FREM2: variants seen among roughly 807,000 people sequenced by gnomAD.
FREM2 encodes the protein FRAS1 related extracellular matrix 2.
Under a neutral mutation model 219.9 loss-of-function variants are expected in FREM2, and 119 were observed. The ratio of observed to expected loss-of-function variants is 0.54; its 90% CI spans 0.47 to 0.63. The LOEUF (loss-of-function observed/expected upper bound fraction) is 0.63, where lower values mean the gene tolerates loss of function less well. Among genes scored for constraint, FREM2 ranks in the 30% least tolerant of loss-of-function variants. FREM2 has a pLI of 0.00. For missense variants in FREM2, 4,030 were observed against 3,993.6 expected, an observed-to-expected ratio of 1.01 and a Z score of -0.25; for synonymous variants, 1,562 against 1,522.8, an observed-to-expected ratio of 1.03 and a Z score of -0.60.
At chr13:38,815,771 T>G (rs1875741219) in intron 6 of FREM2, among the ~76,000 whole-genome samples, 2 of 152,116 alleles carry the variant, frequency 1.3e-5, no homozygotes, top group Non-Finnish European at 2.9e-5. Context: ...GATCCCATAG[T>G]GAGAGATCCC....
At chr13:38,802,060 A>G (rs1875033507) in intron 6 of FREM2, among the ~76,000 whole-genome samples, 1 of 152,166 alleles carries the variant, frequency 6.6e-6, no homozygotes, top group South Asian at 2.1e-4. Flanking sequence ...GATGATTTCC[A>G]GACCCCTGGA....
intron 6 of FREM2, among the ~76,000 whole-genome samples, chr13:38,834,029 T>A (rs9594299): frequency 0.21 from 31,416 of 152,092 alleles, 3,975 homozygotes; most frequent in African/African-American, 0.34. Flanking sequence ...CCCCTTTTTT[T>A]AAATTATACT....
rs748783790 is a variant in FREM2 at position 38,688,155 on chromosome 13, G to T, written c.811G>T (p.Ala271Ser). The T allele has an allele frequency of 6.2e-7, 1 of 1,613,472 alleles. No individual in the cohort carries two copies. The highest frequency in any genetic ancestry group is 1.1e-5 in the South Asian group (1 of 91,080). ...ELGVRYRHTAASRSPNRDWIP... is the reference protein window; with the variant it reads ...ELGVRYRHTASSRSPNRDWIP... ...AGGCGTGCGCTATCGCCACACAGCC[G>T]CCAGTCGCTCACCAAACAGGGACTG... The change falls in exon 1 of 24, where the codon GCC becomes TCC. Residue 271 changes from alanine to serine, a missense_variant. Ala to Ser is a moderately conservative substitution (Grantham distance 99). Transcript: ENST00000280481.
chr13:38,878,762 G>A, intron 22 of FREM2, 69 bp from the exon 23 acceptor site: 1 of 1,441,016 alleles, frequency 6.9e-7, no homozygotes, highest in South Asian at 1.1e-5. Context: ...AACAAATAGA[G>A]AAACATGCTG....
intron 6 of FREM2, among the ~76,000 whole-genome samples, chr13:38,785,025 G>C (rs1245018478): frequency 1.3e-5 from 2 of 152,204 alleles, no homozygotes; most frequent in African/African-American, 4.8e-5. Flanking sequence ...AATTATGTGA[G>C]TTTTTTCCGC....
intron 5 of FREM2, 132 bp from the exon 6 acceptor site, chr13:38,784,425 G>A: frequency 1.1e-6 from 1 of 876,552 alleles, no homozygotes; most frequent in Non-Finnish European, 1.8e-6. Context: ...GTACGTAGTT[G>A]CTATTGCAGT....
At chr13:38,833,681 C>A (rs1647216183) in intron 6 of FREM2, among the ~76,000 whole-genome samples, 1 of 151,978 alleles carries the variant, frequency 6.6e-6, no homozygotes, top group African/African-American at 2.4e-5. Flanking sequence ...CATTTTGAGT[C>A]CTTTGGATTT....
chr13:38,809,608 C>T lies in FREM2; in HGVS notation c.6019+24800C>T, dbSNP rs534226062. 9.2e-5 allele frequency among the ~76,000 whole-genome samples: 14 copies of T among 152,124 alleles called. No individual in the cohort carries two copies. The South Asian group carries it at 1.0e-3, about 11-fold the overall frequency. ...TTTTTCCCAAAGTATGTTCTCAGCA[C>T]CTTTGTCAGAAAATGAGTTTACTGT... On this transcript the variant is annotated intron_variant, in intron 6 of 23. Coordinates refer to ENST00000280481, the MANE Select transcript of FREM2 (RefSeq NM_207361.6).
intron 2 of FREM2, among the ~76,000 whole-genome samples, chr13:38,715,877 G>A (rs1870977724): frequency 6.6e-6 from 1 of 151,822 alleles, no homozygotes; most frequent in African/African-American, 2.4e-5. Context: ...TTTAACCTTA[G>A]TCTAAGCTTA....
chr13:38,769,558 G>T lies in FREM2; in HGVS notation c.5411-20G>T, dbSNP rs1315243936. 1 of 1,575,960 alleles carries T rather than the reference G, an allele frequency of 6.3e-7. No homozygotes were observed. Among genetic ancestry groups the T allele is most frequent in the Non-Finnish European group, 8.7e-7 (1 of 1,146,318 alleles). On this transcript the variant is annotated intron_variant, in intron 3 of 23. Coordinates refer to ENST00000280481, the MANE Select transcript of FREM2 (RefSeq NM_207361.6). ...CAAGCGAAAATGAAACTAAGAAAATGATATTATGTTTTTGTGAAGGTATTG... is the reference window on the plus strand; with the variant it reads ...CAAGCGAAAATGAAACTAAGAAAATTATATTATGTTTTTGTGAAGGTATTG...
chr13:38,769,434 C>G, intron 3 of FREM2, 144 bp from the exon 4 acceptor site: 1 of 724,822 alleles, frequency 1.4e-6, no homozygotes, highest in Non-Finnish European at 2.5e-6. Flanking sequence ...TCATCAGACC[C>G]ATTCCCAATT....
chr13:38,859,167 A>AT, intron 13 of FREM2, 120 bp from the exon 14 acceptor site: 1 of 946,792 alleles, frequency 1.1e-6, no homozygotes, highest in South Asian at 1.3e-5. Flanking sequence ...CGGAAGCTGT[A>AT]TAAACAGCAT....
intron 7 of FREM2, among the ~76,000 whole-genome samples, chr13:38,847,069 A>G (rs145544182): frequency 2.6e-5 from 4 of 152,154 alleles, no homozygotes; most frequent in African/African-American, 9.7e-5. Context: ...CACATAATCT[A>G]TCCCCACAGA....
rs1467092237 is a variant in FREM2, at chr13:38,689,997, C to T, written c.2653C>T (p.His885Tyr). The change falls in exon 1 of 24, where the codon CAT becomes TAT. Residue 885 changes from histidine to tyrosine, a missense_variant. Around this residue, in one of 2 missense-constraint regions of FREM2, gnomAD observed 3,102 missense variants for 2,950.7 expected, o/e 1.05. Coordinates refer to ENST00000280481, the MANE Select transcript of FREM2 (RefSeq NM_207361.6). ...CATGAGAGTGTCTGGACAGATCCTGCATGTAGGGGGTCTCTTCCACTTGGA... is the reference window on the plus strand; with the variant it reads ...CATGAGAGTGTCTGGACAGATCCTGTATGTAGGGGGTCTCTTCCACTTGGA... Reference protein sequence around the residue: ...GHMRVSGQILHVGGLFHLEDI... With the variant: ...GHMRVSGQILYVGGLFHLEDI... 1 of 1,613,920 alleles carries T rather than the reference C, an allele frequency of 6.2e-7. No individual in the cohort carries two copies. Among genetic ancestry groups the T allele is most frequent in the East Asian group, 2.2e-5 (1 of 44,878 alleles).
intron 6 of FREM2, among the ~76,000 whole-genome samples, chr13:38,846,172 G>A (rs1877145923): frequency 6.6e-6 from 1 of 151,512 alleles, no homozygotes; most frequent in African/African-American, 2.4e-5. Flanking sequence ...CTGTTCCAGA[G>A]TGGGAACTTG....
intron 2 of FREM2, among the ~76,000 whole-genome samples, chr13:38,722,229 A>C (rs912197072): frequency 5.9e-5 from 9 of 151,806 alleles, no homozygotes; most frequent in African/African-American, 2.2e-4. Context: ...TTAAAAAAAC[A>C]AAAAAATTAA....
At chr13:38,812,392 T>C (rs1423328130) in intron 6 of FREM2, among the ~76,000 whole-genome samples, 1 of 152,174 alleles carries the variant, frequency 6.6e-6, no homozygotes, top group Non-Finnish European at 1.5e-5. Context: ...CTGTCTTCCT[T>C]TTAGTGAAAG....
At chr13:38,704,295 G>A (rs1348067073) in intron 2 of FREM2, among the ~76,000 whole-genome samples, 1 of 152,154 alleles carries the variant, frequency 6.6e-6, no homozygotes, top group Non-Finnish European at 1.5e-5. Context: ...CATGATCTTT[G>A]ACCTGAGATT....
At position 38,851,821 on chromosome 13, in the gene FREM2, A is replaced by T; in HGVS notation, c.6878A>T (p.Lys2293Met). The part of the protein sequence containing the change: ...SKVSIVRVHT[K>M]DGSATSGEDY... ...GTTTCCATTGTGAGAGTCCACACCA[A>T]GGATGGCTCGGCCACCTCTGGAGAA... The change falls in exon 11 of 24, where the codon AAG becomes ATG. Residue 2293 changes from lysine (K) to methionine (M), a missense_variant. Lys to Met is a moderately conservative substitution (Grantham distance 95). This residue lies in a region of FREM2 where 3,102 missense variants were observed against 2,950.7 expected (regional missense o/e 1.05). Coordinates refer to ENST00000280481, the MANE Select transcript of FREM2 (RefSeq NM_207361.6). The T allele has an allele frequency of 6.2e-7, 1 of 1,614,030 alleles. No homozygotes were observed. Among genetic ancestry groups the T allele is most frequent in the Non-Finnish European group, 8.5e-7 (1 of 1,179,936 alleles).
Sources: allele counts gnomAD v4.1 joint callset (sites outside exome capture counted in the v4.1 genomes callset), GRCh38; gene constraint gnomAD v4.1.1; regional missense constraint gnomAD v4.1.1; transcripts MANE v1.5; gene names NCBI Gene and HGNC (gene_info 2026-07-23, HGNC 2026-07-21).